Variants in SYN2 observed in about 807,000 individuals in gnomAD.
SYN2 encodes synapsin-2.
SYN2 carries 19 observed loss-of-function variants against 50.9 expected under a neutral mutation model. That is an observed-to-expected ratio of 0.37 (90% CI 0.26 to 0.55). The LOEUF is 0.55. SYN2 is among the 20% of genes least tolerant of loss of function. The probability of loss-of-function intolerance (pLI) is 0.81; values close to 1 mark genes in which losing one functional copy is unlikely to be tolerated. For synonymous variants in SYN2, 255 were observed against 224.9 expected, an observed-to-expected ratio of 1.13 and a Z score of -1.20; for missense variants, 587 against 576.4, an observed-to-expected ratio of 1.02 and a Z score of -0.19.
At position 12,041,310 on chromosome 3, in the gene SYN2, C is replaced by T. The variant is rs186636235; in HGVS notation, c.377+36382C>T. 1.8e-4 allele frequency among the ~76,000 whole-genome samples: 28 copies of T among 152,272 alleles called. No homozygotes were observed. In the East Asian group the frequency reaches 4.6e-3, roughly 25 times the overall value. On this transcript the variant is annotated intron_variant, in intron 1 of 12. Coordinates refer to ENST00000621198, the MANE Select transcript of SYN2 (RefSeq NM_133625.6). ...GGGATGGTGGCTTTGGTGAAATGGACATTTCTTAGACTGCAGTGTTTTTTC... is the reference window on the plus strand; with the variant it reads ...GGGATGGTGGCTTTGGTGAAATGGATATTTCTTAGACTGCAGTGTTTTTTC...
chr3:12,154,287 C>T (rs1244538042), intron 5 of SYN2: 2 of 1,613,522 alleles, frequency 1.2e-6, no homozygotes, highest in Admixed American at 1.7e-5. Flanking sequence ...CAGAACCCTT[C>T]CCCCATCCCT....
rs550919985 is a variant in SYN2, at chr3:12,050,968, C to T, written c.377+46040C>T. Among the ~76,000 whole-genome samples the T allele has an allele frequency of 5.3e-5, 8 of 151,136 alleles. No individual in the cohort carries two copies. The East Asian group carries it at 1.6e-3, about 30-fold the overall frequency. On this transcript the variant is annotated intron_variant, in intron 1 of 12. Coordinates refer to ENST00000621198, the MANE Select transcript of SYN2 (RefSeq NM_133625.6). ...GCCAGGATGGTCTCGATCTCCTGAC[C>T]TCATGATCCACCCGCCTCGGCCTCC...
chr3:12,049,574 T>C (rs1399568292), intron 1 of SYN2, among the ~76,000 whole-genome samples: 1 of 151,962 alleles, frequency 6.6e-6, no homozygotes, highest in Non-Finnish European at 1.5e-5. Flanking sequence ...AACTGAGTAC[T>C]AGTTTAGTAT....
chr3:12,183,253 C>G, intron 10 of SYN2, 59 bp from the exon 11 acceptor site: 1 of 1,564,476 alleles, frequency 6.4e-7, no homozygotes, highest in East Asian at 2.3e-5. Context: ...CACGTGGTTT[C>G]TCTTTGGAAT....
chr3:12,099,825 C>T lies in SYN2; in HGVS notation c.378-40826C>T, dbSNP rs1043523408. 4.6e-5 allele frequency among the ~76,000 whole-genome samples: 7 copies of T among 151,490 alleles called. No individual in the cohort carries two copies. In the South Asian group the frequency reaches 1.0e-3, roughly 23 times the overall value. On this transcript the variant is annotated intron_variant, in intron 1 of 12. Coordinates refer to ENST00000621198, the MANE Select transcript of SYN2 (RefSeq NM_133625.6). ...TAAAAATACAAAAAACTTAGCCGGG[C>T]GTAGTGGCGGGCGCCTGTAGTCCCA...
At chr3:12,163,055 A>G (rs1486572579) in intron 7 of SYN2, among the ~76,000 whole-genome samples, 3 of 152,100 alleles carry the variant, frequency 2.0e-5, no homozygotes, top group Non-Finnish European at 4.4e-5. Context: ...CCTGGCTAAC[A>G]TGGTGAAACC....
At chr3:12,110,662 C>T (rs1696291006) in intron 1 of SYN2, among the ~76,000 whole-genome samples, 1 of 152,230 alleles carries the variant, frequency 6.6e-6, no homozygotes, top group African/African-American at 2.4e-5. Context: ...TGCACTTGTA[C>T]AGCACAGGGA....
At chr3:12,144,439 A>G (rs2584064) in intron 3 of SYN2, among the ~76,000 whole-genome samples, 142,188 of 152,274 alleles carry the variant, frequency 0.93, 66,478 homozygotes, top group East Asian at 1. Flanking sequence ...GTCAGAAAAG[A>G]ACACTGAGAT....
At chr3:12,022,443 C>T (rs968236965) in intron 1 of SYN2, among the ~76,000 whole-genome samples, 2 of 151,972 alleles carry the variant, frequency 1.3e-5, no homozygotes, top group Admixed American at 6.6e-5. Context: ...GAGTCTTGCT[C>T]TTTTGCCAGG....
intron 1 of SYN2, among the ~76,000 whole-genome samples, chr3:12,077,601 G>C (rs1695498118): frequency 6.6e-6 from 1 of 152,148 alleles, no homozygotes; most frequent in Non-Finnish European, 1.5e-5. Flanking sequence ...TTAGCTTGCT[G>C]AGGATAATGG....
chr3:12,174,655 G>T (rs1446553735), intron 10 of SYN2, among the ~76,000 whole-genome samples: 1 of 152,074 alleles, frequency 6.6e-6, no homozygotes, highest in African/African-American at 2.4e-5. Flanking sequence ...CTAATTTTTT[G>T]TATTTTAGTA....
chr3:12,117,510 C>G (rs1696460087), intron 1 of SYN2, among the ~76,000 whole-genome samples: 1 of 152,144 alleles, frequency 6.6e-6, no homozygotes, highest in Non-Finnish European at 1.5e-5. Flanking sequence ...ATATATTGCT[C>G]TGAATTTTGT....
intron 1 of SYN2, among the ~76,000 whole-genome samples, chr3:12,073,695 T>G (rs1254144694): frequency 6.6e-6 from 1 of 152,234 alleles, no homozygotes; most frequent in Non-Finnish European, 1.5e-5. Context: ...GCTATTGGTT[T>G]GTAATTTATG....
At chr3:12,164,131 A>G (rs1697724159) in intron 7 of SYN2, among the ~76,000 whole-genome samples, 1 of 152,190 alleles carries the variant, frequency 6.6e-6, no homozygotes, top group Admixed American at 6.5e-5. Context: ...AAAACTTGCT[A>G]AAAGAAGCAA....
intron 9 of SYN2, 65 bp downstream of exon 9, chr3:12,168,543 C>T: frequency 7.3e-7 from 1 of 1,369,188 alleles, no homozygotes; most frequent in Admixed American, 1.9e-5. Context: ...GCAGCTCAGA[C>T]TGCCTTTAAT....
At chr3:12,183,537 T>G in intron 11 of SYN2, 165 bp downstream of exon 11, 1 of 1,539,598 alleles carries the variant, frequency 6.5e-7, no homozygotes, top group South Asian at 1.2e-5. Flanking sequence ...ACTGGTGCCG[T>G]TGCTGCGTTC....
intron 1 of SYN2, among the ~76,000 whole-genome samples, chr3:12,105,299 A>C (rs965709411): frequency 6.6e-6 from 1 of 151,954 alleles, no homozygotes; most frequent in Non-Finnish European, 1.5e-5. Context: ...TGCTGAACTC[A>C]TTTTTGGCCT....
intron 1 of SYN2, among the ~76,000 whole-genome samples, chr3:12,062,704 C>A (rs781383986): frequency 8.5e-5 from 13 of 152,094 alleles, no homozygotes; most frequent in Middle Eastern, 6.8e-3. Context: ...CATAGTCTTA[C>A]CATACGATCC....
rs767189621 is a variant in SYN2 at position 12,141,974 on chromosome 3, C to T, written c.505C>T (p.Arg169Trp). 15 of 780,654 alleles carry T rather than the reference C, an allele frequency of 1.9e-5. No homozygotes were observed. Among genetic ancestry groups the T allele is most frequent in the African/African-American group, 8.5e-5 (5 of 59,098 alleles). The allele number at this position is 780,654 out of a possible 1,614,324, so 48.4% of individuals were successfully genotyped here. ...GTYAVDMQVL[R>W]NGTKVVRSFR... Reference sequence around the variant, plus strand: ...CTATGCTGTGGATATGCAGGTTCTCCGGAATGGCACAAAGGTTGTCCGGTA... The same window carrying T: ...CTATGCTGTGGATATGCAGGTTCTCTGGAATGGCACAAAGGTTGTCCGGTA... Residue 169 changes from arginine to tryptophan, a missense_variant, in exon 3 of 13, where the codon CGG becomes TGG. By Grantham distance (101) the Arg-to-Trp change is moderately radical. Coordinates refer to ENST00000621198, the MANE Select transcript of SYN2 (RefSeq NM_133625.6).
Sources: allele counts gnomAD v4.1 joint callset (sites outside exome capture counted in the v4.1 genomes callset), GRCh38; gene constraint gnomAD v4.1.1; transcripts MANE v1.5; gene names NCBI Gene and HGNC (gene_info 2026-07-23, HGNC 2026-07-21).